The following CAMK2D variants were observed in gnomAD, a reference collection of about 807,000 sequenced individuals.
CAMK2D encodes the protein calcium/calmodulin-dependent protein kinase type II subunit delta.
CAMK2D carries 37 observed loss-of-function variants against 84.0 expected under a neutral mutation model. The ratio of observed to expected loss-of-function variants is 0.44; its 90% CI spans 0.34 to 0.58. The LOEUF is 0.58. CAMK2D is among the 20% of genes least tolerant of loss of function. CAMK2D has a pLI of 0.02. For missense variants in CAMK2D, 448 were observed against 652.5 expected, an observed-to-expected ratio of 0.69 and a Z score of 3.41; for synonymous variants, 202 against 212.5, an observed-to-expected ratio of 0.95 and a Z score of 0.43.
At chr4:113,477,408 A>G (rs934551573) in intron 16 of CAMK2D, among the ~76,000 whole-genome samples, 7 of 152,316 alleles carry the variant, frequency 4.6e-5, no homozygotes, top group African/African-American at 1.7e-4. Context: ...ATTTGCCTCT[A>G]AATTCAGCTT....
At chr4:113,526,912 T>C (rs2098422395) in intron 8 of CAMK2D, among the ~76,000 whole-genome samples, 1 of 151,872 alleles carries the variant, frequency 6.6e-6, no homozygotes, top group Non-Finnish European at 1.5e-5. Context: ...GTGCTTTTTT[T>C]TTTTTTTTTT....
chr4:113,578,605 T>C (rs1006130765), intron 4 of CAMK2D, among the ~76,000 whole-genome samples: 2 of 152,224 alleles, frequency 1.3e-5, no homozygotes, highest in Admixed American at 1.3e-4. Context: ...TTGGATTTTA[T>C]GTTACAGTTT....
intron 6 of CAMK2D, among the ~76,000 whole-genome samples, chr4:113,546,035 G>A (rs1018751553): frequency 6.6e-6 from 1 of 152,126 alleles, no homozygotes; most frequent in African/African-American, 2.4e-5. Flanking sequence ...GAGAAGTCCT[G>A]TATTACGATT....
At chr4:113,459,209 TTTTTTC>T (rs1171914942) in intron 18 of CAMK2D, among the ~76,000 whole-genome samples, 4 of 152,142 alleles carry the variant, frequency 2.6e-5, no homozygotes, top group Admixed American at 6.6e-5. Flanking sequence ...TTTCCTCCTA[TTTTTTC>T]TTTTTCTTAT....
chr4:113,540,500 T>C (rs1039414869), intron 6 of CAMK2D, among the ~76,000 whole-genome samples: 3 of 152,182 alleles, frequency 2.0e-5, no homozygotes, highest in Non-Finnish European at 4.4e-5. Context: ...CTAGAAAGAA[T>C]GCGAAGACCT....
intron 4 of CAMK2D, among the ~76,000 whole-genome samples, chr4:113,570,098 T>C (rs2098745420): frequency 6.6e-6 from 1 of 152,074 alleles, no homozygotes; most frequent in Non-Finnish European, 1.5e-5. Context: ...TTGAATTCTA[T>C]AAAACATTGA....
Position 113,558,408 on chromosome 4 carries a change from A to T in CAMK2D, c.276-6312T>A, listed in dbSNP as rs568578899. Among the ~76,000 whole-genome samples the T allele has an allele frequency of 5.3e-5, 8 of 152,292 alleles. No individual in the cohort carries two copies. The South Asian group carries it at 1.7e-3, about 32-fold the overall frequency. ...TCGATATTTTTAGTAATTTGCTATC[A>T]TTAAATTATATATGCAGTTGGCCCT... On this transcript the variant is annotated intron_variant, in intron 4 of 20. Transcript: ENST00000511664.
intron 3 of CAMK2D, among the ~76,000 whole-genome samples, chr4:113,639,106 G>A (rs940009913): frequency 4.0e-5 from 6 of 150,730 alleles, no homozygotes; most frequent in African/African-American, 1.5e-4. Context: ...ATAGCCCGGT[G>A]TGGTGGTGTG....
chr4:113,658,654 G>T (rs914720851), intron 3 of CAMK2D, among the ~76,000 whole-genome samples: 1 of 152,144 alleles, frequency 6.6e-6, no homozygotes, highest in Non-Finnish European at 1.5e-5. Context: ...AGCTCCATGA[G>T]GGCAGGGATA....
intron 2 of CAMK2D, among the ~76,000 whole-genome samples, chr4:113,687,409 G>A (rs374380560): frequency 1.1e-4 from 17 of 152,252 alleles, no homozygotes; most frequent in East Asian, 5.8e-4. Context: ...AAGGGCAAGC[G>A]AGGTCATCAA....
chr4:113,657,174 T>C (rs943914792), intron 3 of CAMK2D, among the ~76,000 whole-genome samples: 1 of 152,168 alleles, frequency 6.6e-6, no homozygotes, highest in Non-Finnish European at 1.5e-5. Flanking sequence ...TCAATTGCAA[T>C]AGTACAAAAT....
intron 2 of CAMK2D, chr4:113,679,376 A>G: frequency 3.1e-6 from 2 of 648,508 alleles, no homozygotes; most frequent in Non-Finnish European, 3.8e-6. Flanking sequence ...CTCTACTAAC[A>G]CATGCGGTTG....
At chr4:113,618,208 G>T (rs990496625) in intron 3 of CAMK2D, among the ~76,000 whole-genome samples, 4 of 152,082 alleles carry the variant, frequency 2.6e-5, no homozygotes, top group Non-Finnish European at 2.9e-5. Flanking sequence ...CAACACTCTC[G>T]AGTTAAAGTT....
intron 4 of CAMK2D, among the ~76,000 whole-genome samples, chr4:113,560,762 A>G (rs1364690728): frequency 1.3e-5 from 2 of 152,114 alleles, no homozygotes. Context: ...GCATCTTGTC[A>G]CTTATTGCAG....
At chr4:113,611,682 T>C (rs2099000876) in intron 3 of CAMK2D, among the ~76,000 whole-genome samples, 1 of 152,218 alleles carries the variant, frequency 6.6e-6, no homozygotes, top group Non-Finnish European at 1.5e-5. Flanking sequence ...TACTAATTAA[T>C]ACTAAATATC....
chr4:113,523,488 G>T (rs1430244225), intron 8 of CAMK2D, among the ~76,000 whole-genome samples: 1 of 151,870 alleles, frequency 6.6e-6, no homozygotes, highest in Non-Finnish European at 1.5e-5. Flanking sequence ...ACTTTAAATT[G>T]TACATAAAAA....
chr4:113,650,869 A>C (rs990285396), intron 3 of CAMK2D, among the ~76,000 whole-genome samples: 3 of 152,228 alleles, frequency 2.0e-5, no homozygotes, highest in African/African-American at 7.2e-5. Context: ...TCTGAACAGA[A>C]CAAGTGAAAG....
chr4:113,755,505 A>T (rs1353094700), intron 2 of CAMK2D, among the ~76,000 whole-genome samples: 1 of 151,974 alleles, frequency 6.6e-6, no homozygotes, highest in Non-Finnish European at 1.5e-5. Context: ...ACACATCAGA[A>T]TCTATGTAAT....
chr4:113,743,411 C>T (rs1044092680), intron 2 of CAMK2D, among the ~76,000 whole-genome samples: 1 of 152,230 alleles, frequency 6.6e-6, no homozygotes, highest in Non-Finnish European at 1.5e-5. Context: ...GATTCAAGGC[C>T]TGTACCTGCT....
Sources: gnomAD v4.1 joint callset for allele counts (sites outside exome capture counted in the v4.1 genomes callset) on GRCh38, gnomAD v4.1.1 for gene constraint, MANE v1.5 for transcripts, NCBI Gene and HGNC (gene_info 2026-07-23, HGNC 2026-07-21) for gene names.